PCDHA6: variants seen among roughly 807,000 people sequenced by gnomAD.
PCDHA6 encodes protocadherin alpha 6.
Under a neutral mutation model 60.3 loss-of-function variants are expected in PCDHA6, and 55 were observed. The ratio of observed to expected loss-of-function variants is 0.91; its 90% confidence interval spans 0.73 to 1.14. The LOEUF is 1.14. Among genes scored for constraint, PCDHA6 ranks in the 50% most tolerant of loss-of-function variants. The probability of loss-of-function intolerance (pLI) is 0.00; values close to 1 mark genes in which losing one functional copy is unlikely to be tolerated. For missense variants in PCDHA6, 1,327 were observed against 1,256.5 expected (o/e 1.06, Z -0.85); for synonymous variants, 652 against 557.9 (o/e 1.17, Z -2.38).
chr5:140,858,158 G>A lies in PCDHA6; in HGVS notation c.2394+27673G>A, dbSNP rs781899082. On this transcript the variant is annotated intron_variant, in intron 1 of 3. Transcript: ENST00000529310. ...CGTGTACCTGATCATCGCCATCTGC[G>A]CGGTGTCCAGCTTGCTGGTGCTCAC... The A allele has an allele frequency of 6.3e-6, 10 of 1,597,616 alleles. 1 individual carries two copies. Among genetic ancestry groups the A allele is most frequent in the Admixed American group, 5.1e-5 (3 of 59,322 alleles).
rs782634199 is a variant in PCDHA6 at position 140,882,705 on chromosome 5, G to A, written c.2394+52220G>A. The A allele has an allele frequency of 3.7e-6, 6 of 1,614,172 alleles. No individual in the cohort carries two copies. The South Asian group carries it at 6.6e-5, about 18-fold the overall frequency. On this transcript the variant is annotated intron_variant, in intron 1 of 3. Transcript: ENST00000529310. ...AAACGAATAATCATTGCAGAATCTA[G>A]ACCTCCGGAAACTCGATTTCCACTA...
At chr5:140,870,425 C>T (rs531014522) in intron 1 of PCDHA6, 19 of 1,614,072 alleles carry the variant, frequency 1.2e-5, no homozygotes, top group Non-Finnish European at 1.5e-5. Context: ...GCCAGGGTAT[C>T]CGTGGAGGTG....
Position 140,830,347 on chromosome 5 carries a change from G to A in PCDHA6, c.2256G>A (p.Gln752=), listed in dbSNP as rs1771011399. 3.1e-6 allele frequency: 5 copies of A among 1,614,100 alleles called. No individual in the cohort carries two copies. The highest frequency in any genetic ancestry group is 2.5e-6 in the Non-Finnish European group (3 of 1,179,982). The part of the protein sequence containing the change: ...SSAVGSWSYS[Q]QRRQRVCSGE... The stretch of plus-strand genomic sequence containing the variant: ...CAGTGGGGAGCTGGTCGTACTCGCA[G>A]CAGAGGCGGCAGAGGGTGTGCTCCG... Residue 752 remains glutamine, a synonymous_variant, in exon 1 of 4, where the codon CAG becomes CAA. Coordinates refer to ENST00000529310, the MANE Select transcript of PCDHA6 (RefSeq NM_018909.4).
chr5:140,914,115 G>A (rs1287523867), intron 1 of PCDHA6, among the ~76,000 whole-genome samples: 1 of 152,168 alleles, frequency 6.6e-6, no homozygotes, highest in Non-Finnish European at 1.5e-5. Flanking sequence ...GATTAAGTCT[G>A]ATGTTTCTTT....
intron 1 of PCDHA6, chr5:140,875,605 G>T (rs782421314): frequency 3.5e-5 from 57 of 1,613,756 alleles, no homozygotes; most frequent in Admixed American, 1.3e-4. Context: ...CGGCACCTTC[G>T]TGGGCCGCAT....
At chr5:140,870,711 G>T (rs781786878) in intron 1 of PCDHA6, 1 of 1,613,108 alleles carries the variant, frequency 6.2e-7, no homozygotes, top group Non-Finnish European at 8.5e-7. Flanking sequence ...AGGTGAGCGC[G>T]CGCGATGCGG....
intron 3 of PCDHA6, among the ~76,000 whole-genome samples, chr5:140,994,216 G>A (rs2097604981): frequency 6.6e-6 from 1 of 152,178 alleles, no homozygotes; most frequent in Non-Finnish European, 1.5e-5. Flanking sequence ...GGGACCCAGG[G>A]TCTGTCTATG....
At chr5:140,870,906 C>A (rs201710263) in intron 1 of PCDHA6, 2 of 1,613,946 alleles carry the variant, frequency 1.2e-6, no homozygotes, top group South Asian at 2.2e-5. Flanking sequence ...CGGACTCAGG[C>A]TACAACGCGT....
intron 3 of PCDHA6, among the ~76,000 whole-genome samples, chr5:141,000,385 CTCTCTCTCTCTATATA>C (rs1454405199): frequency 1.1e-4 from 7 of 64,984 alleles, no homozygotes; most frequent in African/African-American, 4.8e-4. Flanking sequence ...CTCTCTCTCT[CTCTCTCTCTCTATATA>C]TATATATATA....
intron 1 of PCDHA6, chr5:140,870,789 G>T (rs1554164716): frequency 1.2e-6 from 2 of 1,613,512 alleles, no homozygotes; most frequent in East Asian, 2.2e-5. Context: ...ACAACGCGCC[G>T]GCACTGCTGG....
chr5:140,997,672 GTGT>G (rs1226412114), intron 3 of PCDHA6, among the ~76,000 whole-genome samples: 3 of 148,192 alleles, frequency 2.0e-5, no homozygotes, highest in African/African-American at 7.5e-5. Context: ...TACAGCTTGT[GTGT>G]GTGTGTGTGT....
At position 140,836,088 on chromosome 5, in the gene PCDHA6, C is replaced by T. The variant is rs2150252378; in HGVS notation, c.2394+5603C>T. On this transcript the variant is annotated intron_variant, in intron 1 of 3. Transcript: ENST00000529310. ...CAACGCGCCGGCACTGCTGGCGCCT[C>T]GGGTGGGTGGCACTGGTGGCGCAGT... is the stretch of plus-strand genomic sequence containing the variant. 2.5e-6 allele frequency: 4 copies of T among 1,613,654 alleles called. No individual in the cohort carries two copies. The South Asian group carries it at 3.3e-5, about 13-fold the overall frequency.
At chr5:140,893,575 T>C (rs930167579) in intron 1 of PCDHA6, among the ~76,000 whole-genome samples, 6 of 152,220 alleles carry the variant, frequency 3.9e-5, no homozygotes, top group Non-Finnish European at 7.3e-5. Flanking sequence ...CCTCAGTTTT[T>C]GCTTGTTTGG....
At chr5:140,830,546 A>G (rs2150187698) in intron 1 of PCDHA6, 61 bp downstream of exon 1, 3 of 1,142,724 alleles carry the variant, frequency 2.6e-6, no homozygotes, top group Non-Finnish European at 3.5e-6. Flanking sequence ...TGTTTTCCTC[A>G]TATTTGTCTT....
chr5:140,829,946 C>A lies in PCDHA6; in HGVS notation c.1855C>A (p.Arg619Ser). 1 of 1,613,986 alleles carries A rather than the reference C, an allele frequency of 6.2e-7. No homozygotes were observed. The highest frequency in any genetic ancestry group is 2.2e-5 in the East Asian group (1 of 44,882). ...YELQPPASSA[R>S]FPFRVGLYTG... Reference sequence around the variant, plus strand: ...GCTGCAGCCCCCGGCAAGCAGCGCTCGCTTCCCGTTTCGCGTGGGGCTGTA... The same window carrying A: ...GCTGCAGCCCCCGGCAAGCAGCGCTAGCTTCCCGTTTCGCGTGGGGCTGTA... The change falls in exon 1 of 4, where the codon CGC becomes AGC. Residue 619 changes from arginine to serine, a missense_variant. Coordinates refer to ENST00000529310, the MANE Select transcript of PCDHA6 (RefSeq NM_018909.4).
At position 140,858,115 on chromosome 5, in the gene PCDHA6, G is replaced by A. The variant is rs371261838; in HGVS notation, c.2394+27630G>A. 5.0e-6 allele frequency: 8 copies of A among 1,597,696 alleles called. 1 individual carries two copies. Among genetic ancestry groups the A allele is most frequent in the Non-Finnish European group, 6.9e-6 (8 of 1,167,654 alleles). ...CTTCAGTGGGCGTGGCGCCCGAGGT[G>A]GCCCTGGTGGATGTCAACGTGTACC... On this transcript the variant is annotated intron_variant, in intron 1 of 3. Transcript: ENST00000529310.
intron 1 of PCDHA6, among the ~76,000 whole-genome samples, chr5:140,890,392 T>C (rs2062624449): frequency 6.6e-6 from 1 of 152,212 alleles, no homozygotes; most frequent in Admixed American, 6.5e-5. Flanking sequence ...TTAGATAATC[T>C]ATAAATTTTA....
Position 140,980,544 on chromosome 5 carries a change from C to T in PCDHA6, c.2453+1537C>T, listed in dbSNP as rs111386744. 4.0e-3 allele frequency among the ~76,000 whole-genome samples: 611 copies of T among 152,160 alleles called. 1 individual carries two copies. The highest frequency in any genetic ancestry group is 0.013 in the African/African-American group (560 of 41,516). On this transcript the variant is annotated intron_variant, in intron 2 of 3. Coordinates refer to ENST00000529310, the MANE Select transcript of PCDHA6 (RefSeq NM_018909.4). ...ACTAGGGAGGCTGAGGCAGGAGAAT[C>T]GCTTGAACCCGGGAGGCGGAAGTTG...
At chr5:140,962,037 C>G (rs1449536712) in intron 1 of PCDHA6, among the ~76,000 whole-genome samples, 1 of 152,066 alleles carries the variant, frequency 6.6e-6, no homozygotes, top group African/African-American at 2.4e-5. Flanking sequence ...GCACCCACCA[C>G]CATGCCTGGC....
Sources: allele counts gnomAD v4.1 joint callset (sites outside exome capture counted in the v4.1 genomes callset), GRCh38; gene constraint gnomAD v4.1.1; transcripts MANE v1.5; gene names NCBI Gene and HGNC (gene_info 2026-07-23, HGNC 2026-07-21).